The following NTAN1 variants were observed in gnomAD, a reference collection of about 807,000 sequenced individuals.
NTAN1 encodes N-terminal asparagine amidase.
NTAN1 carries 32 observed loss-of-function variants against 41.9 expected under a neutral mutation model. The ratio of observed to expected loss-of-function variants is 0.76; its 90% confidence interval spans 0.58 to 1.03. The LOEUF is 1.03. Ranked by LOEUF, NTAN1 falls within the 50% of genes least tolerant of loss-of-function variation. The pLI is 0.00. For synonymous variants in NTAN1, 140 were observed against 139.5 expected (o/e 1.00, Z -0.03); for missense variants, 377 against 377.5 (o/e 1.00, Z 0.01).
At chr16:15,045,855 C>T (rs1712894303) in intron 4 of NTAN1, 4 of 152,242 alleles carry the variant, frequency 2.6e-5, no homozygotes, top group Non-Finnish European at 2.9e-5. Context: ...GACACAAAAT[C>T]TTCCTAAGGG....
chr16:15,038,546 A>G (rs570478435), intron 9 of NTAN1, 28 bp downstream of exon 9: 10 of 1,252,624 alleles, frequency 8.0e-6, no homozygotes, highest in East Asian at 6.9e-5. Context: ...GCAGAGATTT[A>G]AGACTTACCC....
intron 1 of NTAN1, 77 bp downstream of exon 1, chr16:15,055,814 C>T (rs1341249845): frequency 2.6e-6 from 2 of 779,496 alleles, no homozygotes; most frequent in Admixed American, 4.4e-5. Flanking sequence ...AAGTCTGTGT[C>T]GCGTGAGGGG....
chr16:15,054,681 T>A (rs893247131), intron 1 of NTAN1, among the ~76,000 whole-genome samples: 7 of 152,174 alleles, frequency 4.6e-5, no homozygotes, highest in Admixed American at 2.6e-4. Flanking sequence ...TCAGAACACG[T>A]TCAGGGGTCA....
At chr16:15,038,947 C>T (rs2043678471) in intron 8 of NTAN1, among the ~76,000 whole-genome samples, 1 of 152,178 alleles carries the variant, frequency 6.6e-6, no homozygotes, top group African/African-American at 2.4e-5. Flanking sequence ...GGGGTGAAAA[C>T]TTGAGGCTCA....
intron 9 of NTAN1, 160 bp downstream of exon 9, chr16:15,038,414 C>T (rs1313557715): frequency 1.6e-6 from 1 of 622,840 alleles, no homozygotes; most frequent in Non-Finnish European, 2.8e-6. Flanking sequence ...GACATATCCC[C>T]ATTTGATATA....
chr16:15,051,616 C>G (rs1158166307), intron 1 of NTAN1, among the ~76,000 whole-genome samples: 1 of 152,116 alleles, frequency 6.6e-6, no homozygotes, highest in Admixed American at 6.6e-5. Context: ...TTTGCAGTAG[C>G]TGGAACCACA....
At chr16:15,044,432 G>C (rs749121976) in intron 4 of NTAN1, 25 bp from the exon 5 acceptor site, 2 of 1,542,978 alleles carry the variant, frequency 1.3e-6, no homozygotes, top group South Asian at 1.1e-5. Flanking sequence ...AGACGGGTCA[G>C]AGGCCAGAAG....
At chr16:15,051,183 G>C (rs2044277660) in intron 1 of NTAN1, among the ~76,000 whole-genome samples, 1 of 152,186 alleles carries the variant, frequency 6.6e-6, no homozygotes, top group Non-Finnish European at 1.5e-5. Flanking sequence ...GTTCACAATT[G>C]GGTCACCACT....
In NTAN1 at chr16:15,055,794, G is replaced by T; in HGVS notation, c.81+97C>A. The stretch of plus-strand genomic sequence containing the variant: ...CCGGGGCTCCGGATGTGCCAACAGC[G>T]CCAAGTTTCAAGTCTGTGTCGCGTG... On this transcript the variant is annotated intron_variant, in intron 1 of 9. Coordinates refer to ENST00000287706, the MANE Select transcript of NTAN1 (RefSeq NM_173474.4). 3.1e-6 allele frequency: 2 copies of T among 635,710 alleles called. 1 individual carries two copies. Among genetic ancestry groups the T allele is most frequent in the South Asian group, 1.6e-4 (2 of 12,780 alleles). The allele number at this position is 635,710 out of a possible 1,614,324, so 39.4% of individuals were successfully genotyped here.
intron 7 of NTAN1, 59 bp from the exon 8 acceptor site, chr16:15,040,125 C>T (rs1469663344): frequency 2.1e-6 from 2 of 935,398 alleles, no homozygotes; most frequent in Non-Finnish European, 3.5e-6. Flanking sequence ...AAAGTCTGCA[C>T]AGTCTTACAT....
At chr16:15,051,509 G>A (rs556712864) in intron 1 of NTAN1, among the ~76,000 whole-genome samples, 1 of 151,066 alleles carries the variant, frequency 6.6e-6, no homozygotes, top group South Asian at 2.1e-4. Flanking sequence ...GACACACCTG[G>A]CTAGTTTTTG....
At chr16:15,053,686 A>C (rs2044383720) in intron 1 of NTAN1, among the ~76,000 whole-genome samples, 1 of 152,134 alleles carries the variant, frequency 6.6e-6, no homozygotes, top group Non-Finnish European at 1.5e-5. Flanking sequence ...CGAGACGGGC[A>C]GATCACTTGA....
intron 4 of NTAN1, 59 bp from the exon 5 acceptor site, chr16:15,044,466 C>G: frequency 9.1e-7 from 1 of 1,102,792 alleles, no homozygotes; most frequent in Non-Finnish European, 1.4e-6. Context: ...GTGCGCTGGT[C>G]TCACTTTGAA....
intron 9 of NTAN1, 56 bp downstream of exon 9, chr16:15,038,518 A>AGAT (rs1172318855): frequency 2.0e-6 from 2 of 1,004,994 alleles, no homozygotes; most frequent in East Asian, 4.8e-5. Context: ...TTTTTCTTAC[A>AGAT]GATGGGGAAA....
intron 1 of NTAN1, among the ~76,000 whole-genome samples, chr16:15,048,663 A>G (rs1444945950): frequency 6.6e-6 from 1 of 152,138 alleles, no homozygotes; most frequent in Non-Finnish European, 1.5e-5. Context: ...TCACTCTGTC[A>G]CCCAAGCTGG....
Position 15,041,141 on chromosome 16 carries a change from A to C in NTAN1, c.488-20T>G, listed in dbSNP as rs561576517. On this transcript the variant is annotated intron_variant, in intron 6 of 9. Transcript: ENST00000287706. Reference sequence around the variant, plus strand: ...TTAATTCTACAAAATAAGAATGTTTAAGATACACTTTTTAAAGAAATACCA... The same window carrying C: ...TTAATTCTACAAAATAAGAATGTTTCAGATACACTTTTTAAAGAAATACCA... The C allele has an allele frequency of 6.9e-6, 10 of 1,440,250 alleles. No individual in the cohort carries two copies. Among genetic ancestry groups the C allele is most frequent in the Non-Finnish European group, 9.8e-6 (10 of 1,021,642 alleles). 89.2% of individuals were successfully genotyped at this position (1,440,250 alleles called of 1,614,324 possible). A position where few individuals can be genotyped will look rare whatever the true frequency, so the allele number is the denominator to read the frequency against.
At chr16:15,053,545 T>C (rs1309014491) in intron 1 of NTAN1, among the ~76,000 whole-genome samples, 1 of 152,218 alleles carries the variant, frequency 6.6e-6, no homozygotes, top group African/African-American at 2.4e-5. Flanking sequence ...AAAGAATGGT[T>C]GTAGTCATAC....
Position 15,038,220 on chromosome 16 carries a change from C to A in NTAN1, c.754-10G>T. ...GCGAAGTGGAAAGATTCTGAAAACA[C>A]AAGATGGTGGGCATTAGAGAAGCCA... On this transcript the variant is annotated splice_polypyrimidine_tract_variant and intron_variant, in intron 9 of 9. Coordinates refer to ENST00000287706, the MANE Select transcript of NTAN1 (RefSeq NM_173474.4). 6.2e-7 allele frequency: 1 copy of A among 1,610,096 alleles called. No individual in the cohort carries two copies. Among genetic ancestry groups the A allele is most frequent in the Non-Finnish European group, 8.5e-7 (1 of 1,177,702 alleles).
chr16:15,047,618 C>T lies in NTAN1; in HGVS notation c.251-68G>A, dbSNP rs78935035. The T allele has an allele frequency of 2.3e-3, 2,695 of 1,169,588 alleles. 49 individuals are homozygous for T. In the African/African-American group the frequency reaches 0.031, roughly 14 times the overall value. 72.5% of individuals were successfully genotyped at this position (1,169,588 alleles called of 1,614,324 possible). ...GAGTGCAGTGCGCAGGCCGAGACTC[C>T]GCCTGTCCCTCCGGACCGCCTCATC... is the stretch of plus-strand genomic sequence containing the variant. On this transcript the variant is annotated intron_variant, in intron 3 of 9. Transcript: ENST00000287706.
Sources: allele counts gnomAD v4.1 joint callset (sites outside exome capture counted in the v4.1 genomes callset), GRCh38; gene constraint gnomAD v4.1.1; transcripts MANE v1.5; gene names NCBI Gene and HGNC (gene_info 2026-07-23, HGNC 2026-07-21).